The following MYO16 variants were observed in gnomAD, a reference collection of about 807,000 sequenced individuals.
MYO16 encodes unconventional myosin-XVI.
A neutral mutation model predicts 205.3 loss-of-function variants in MYO16; 94 were observed. The ratio of observed to expected loss-of-function variants is 0.46; its 90% confidence interval spans 0.39 to 0.54. The LOEUF is 0.54. Among genes scored for constraint, MYO16 ranks in the 20% least tolerant of loss-of-function variants. The pLI is 0.00. For missense variants in MYO16, 2,315 were observed against 2,387.5 expected, an observed-to-expected ratio of 0.97 and a Z score of 0.63; for synonymous variants, 988 against 954.0, an observed-to-expected ratio of 1.04 and a Z score of -0.66.
intron 20 of MYO16, among the ~76,000 whole-genome samples, chr13:108,971,769 G>A (rs1384665323): frequency 6.6e-6 from 1 of 151,750 alleles, no homozygotes; most frequent in Non-Finnish European, 1.5e-5. Flanking sequence ...TAGTTATTTG[G>A]TTATCCAAGC....
At chr13:108,594,948 CT>C (rs1878503280), upstream of MYO16, among the ~76,000 whole-genome samples, 1 of 152,164 alleles carries the variant, frequency 6.6e-6, no homozygotes, top group South Asian at 2.1e-4. Flanking sequence ...TTTTTTGCCT[CT>C]TTATCATCAG....
chr13:108,822,924 C>T (rs982025238), intron 8 of MYO16, among the ~76,000 whole-genome samples: 36 of 152,106 alleles, frequency 2.4e-4, no homozygotes, highest in African/African-American at 7.0e-4. Context: ...TTAAATGTGT[C>T]ACTGATGTAA....
rs535511176 is a variant in MYO16 at position 108,871,379 on chromosome 13, A to T, written c.1425+5137A>T. ...GTGTGTGTGTCTGTGTGTTGGTTTT[A>T]CATATATGGATATATTTACTGACAT... On this transcript the variant is annotated intron_variant, in intron 12 of 34. Transcript: ENST00000457511. 2.1e-5 allele frequency among the ~76,000 whole-genome samples: 3 copies of T among 145,152 alleles called. No individual in the cohort carries two copies. The East Asian group carries it at 6.3e-4, about 30-fold the overall frequency.
intron 2 of MYO16, among the ~76,000 whole-genome samples, chr13:108,711,451 T>C (rs1490330849): frequency 1.3e-5 from 2 of 152,180 alleles, no homozygotes; most frequent in East Asian, 3.9e-4. Flanking sequence ...GCTCCAAGGG[T>C]GCGCTGATGT....
At chr13:108,655,343 C>T (rs1207000229) in intron 1 of MYO16, among the ~76,000 whole-genome samples, 5 of 152,212 alleles carry the variant, frequency 3.3e-5, no homozygotes, top group Non-Finnish European at 5.9e-5. Flanking sequence ...AGCCACAAAC[C>T]TTGGCAGCTT....
chr13:109,169,003 T>C (rs1878817270), intron 33 of MYO16, among the ~76,000 whole-genome samples: 1 of 152,180 alleles, frequency 6.6e-6, no homozygotes, highest in South Asian at 2.1e-4. Flanking sequence ...TTTCATATGC[T>C]TCATTCCATC....
intron 23 of MYO16, among the ~76,000 whole-genome samples, chr13:109,041,967 C>T (rs1160513139): frequency 6.6e-6 from 1 of 151,618 alleles, no homozygotes; most frequent in African/African-American, 2.4e-5. Flanking sequence ...TGGGTTCAAG[C>T]GATTCTCCTG....
chr13:108,510,310 G>A, the MYO16 span, among the ~76,000 whole-genome samples: 3 of 151,704 alleles, frequency 2.0e-5, no homozygotes, highest in Non-Finnish European at 4.4e-5. Flanking sequence ...GTAGAGATGG[G>A]GTTTCACCGT....
chr13:108,506,177 T>C, the MYO16 span, among the ~76,000 whole-genome samples: 22 of 152,138 alleles, frequency 1.4e-4, no homozygotes, highest in Admixed American at 2.6e-4. Flanking sequence ...TTTCAGAATT[T>C]CTTTTCAATT....
At chr13:108,548,474 G>A in the MYO16 span, among the ~76,000 whole-genome samples, 3 of 151,552 alleles carry the variant, frequency 2.0e-5, no homozygotes, top group African/African-American at 4.9e-5. Flanking sequence ...TGGTGAAGAC[G>A]ATGATGATGC....
chr13:109,097,047 C>T (rs1888800024), intron 27 of MYO16, among the ~76,000 whole-genome samples: 1 of 152,202 alleles, frequency 6.6e-6, no homozygotes, highest in East Asian at 1.9e-4. Flanking sequence ...GTACTGATGT[C>T]AGCTGGGCAC....
At chr13:108,547,734 T>C in the MYO16 span, among the ~76,000 whole-genome samples, 1 of 152,220 alleles carries the variant, frequency 6.6e-6, no homozygotes, top group Non-Finnish European at 1.5e-5. Context: ...ACAATCGCCA[T>C]AGAAATGCCA....
At chr13:108,650,370 C>A (rs1430099140) in intron 1 of MYO16, among the ~76,000 whole-genome samples, 3 of 152,130 alleles carry the variant, frequency 2.0e-5, no homozygotes, top group African/African-American at 4.8e-5. Flanking sequence ...CAGGAAGCTG[C>A]CTGAATGGAG....
chr13:109,082,202 T>C (rs1041142054), intron 27 of MYO16, among the ~76,000 whole-genome samples: 14 of 152,152 alleles, frequency 9.2e-5, no homozygotes, highest in South Asian at 2.1e-4. Context: ...GCATACCTAG[T>C]CTCTATTCAC....
chr13:108,644,386 A>G (rs190028076), intron 1 of MYO16, among the ~76,000 whole-genome samples: 3,600 of 150,246 alleles, frequency 0.024, 142 homozygotes, highest in African/African-American at 0.082. Flanking sequence ...CTATCTATCT[A>G]TCTATCTATC....
intron 27 of MYO16, among the ~76,000 whole-genome samples, chr13:109,089,736 A>C (rs1407281194): frequency 6.6e-6 from 1 of 152,146 alleles, no homozygotes; most frequent in Non-Finnish European, 1.5e-5. Flanking sequence ...GTCATTCTGG[A>C]GTTGTTGTGA....
rs997182044 is a variant in MYO16 at position 108,653,784 on chromosome 13, C to CAT, written c.29-12091_29-12090dup. ...GCACACACACACATGCATATATATACATATATATATATGTGTGTATATATA... is the reference window on the plus strand; with the variant it reads ...GCACACACACACATGCATATATATACATATATATATATATGTGTGTATATATA... On this transcript the variant is annotated intron_variant, in intron 1 of 34. Coordinates refer to ENST00000457511, the MANE Select transcript of MYO16 (RefSeq NM_001198950.3). Among the ~76,000 whole-genome samples the CAT allele has an allele frequency of 4.4e-4, 66 of 149,552 alleles. No homozygotes were observed. In the East Asian group the frequency reaches 4.5e-3, roughly 10 times the overall value.
At chr13:108,791,974 G>T (rs561042753) in intron 5 of MYO16, among the ~76,000 whole-genome samples, 2 of 152,316 alleles carry the variant, frequency 1.3e-5, no homozygotes, top group Non-Finnish European at 2.9e-5. Context: ...CAGAAGAGTG[G>T]CTGGTTCATA....
intron 32 of MYO16, among the ~76,000 whole-genome samples, chr13:109,151,669 C>T (rs1877675222): frequency 6.6e-6 from 1 of 152,216 alleles, no homozygotes; most frequent in Admixed American, 6.5e-5. Flanking sequence ...ACAATTGGTA[C>T]ATGAGGGTGT....
Sources: allele counts gnomAD v4.1 joint callset (sites outside exome capture counted in the v4.1 genomes callset), GRCh38; gene constraint gnomAD v4.1.1; transcripts MANE v1.5; gene names NCBI Gene and HGNC (gene_info 2026-07-23, HGNC 2026-07-21).